Variants in CSMD1 observed in about 807,000 individuals in gnomAD.
The protein encoded by CSMD1 is CUB and sushi domain-containing protein 1.
Under a neutral mutation model 417.5 loss-of-function variants are expected in CSMD1, and 213 were observed. That is an observed-to-expected ratio of 0.51 (90% CI 0.46 to 0.57). CSMD1 has a LOEUF of 0.57. Among genes scored for constraint, CSMD1 ranks in the 20% least tolerant of loss-of-function variants. The pLI is 0.00. For missense variants in CSMD1, 6,923 were observed against 4,529.7 expected (o/e 1.53, Z -15.17); for synonymous variants, 2,862 against 1,736.8 (o/e 1.65, Z -16.11).
intron 7 of CSMD1, among the ~76,000 whole-genome samples, chr8:3,665,929 G>A (rs1028526909): frequency 2.0e-5 from 3 of 152,108 alleles, no homozygotes; most frequent in African/African-American, 7.2e-5. Flanking sequence ...CCAGGCTGGA[G>A]TGCAGTGGAG....
At chr8:3,249,690 G>C (rs781417111) in intron 26 of CSMD1, among the ~76,000 whole-genome samples, 1 of 152,138 alleles carries the variant, frequency 6.6e-6, no homozygotes, top group African/African-American at 2.4e-5. Context: ...TGTAAATTTT[G>C]AGTGAAAAAG....
chr8:3,809,165 C>G (rs1448485851), intron 5 of CSMD1, among the ~76,000 whole-genome samples: 1 of 152,128 alleles, frequency 6.6e-6, no homozygotes, highest in Admixed American at 6.6e-5. Flanking sequence ...CCCCCACAGA[C>G]CTCATTCTTA....
chr8:4,432,721 G>T (rs928426229), intron 2 of CSMD1, among the ~76,000 whole-genome samples: 1 of 152,128 alleles, frequency 6.6e-6, no homozygotes, highest in African/African-American at 2.4e-5. Flanking sequence ...TTTAACTCCT[G>T]AAAGTTCACA....
At chr8:3,728,077 G>A (rs367744001) in intron 6 of CSMD1, among the ~76,000 whole-genome samples, 43 of 152,202 alleles carry the variant, frequency 2.8e-4, no homozygotes, top group African/African-American at 7.9e-4. Context: ...GACAGTGTCC[G>A]CACCCAAATC....
intron 2 of CSMD1, among the ~76,000 whole-genome samples, chr8:4,530,003 C>T (rs1388520685): frequency 6.6e-6 from 1 of 152,076 alleles, no homozygotes; most frequent in African/African-American, 2.4e-5. Context: ...CAAGCCCCGC[C>T]TTCCGGGTTC....
At chr8:4,890,779 G>T (rs558103407) in intron 1 of CSMD1, among the ~76,000 whole-genome samples, 2 of 151,966 alleles carry the variant, frequency 1.3e-5, no homozygotes, top group South Asian at 4.2e-4. Context: ...AATCACTTTT[G>T]CACCGACCTA....
intron 26 of CSMD1, among the ~76,000 whole-genome samples, chr8:3,232,311 C>A (rs568715386): frequency 6.6e-6 from 1 of 152,310 alleles, no homozygotes; most frequent in African/African-American, 2.4e-5. Flanking sequence ...CTCTCTCTGT[C>A]TTAAATGCTT....
At chr8:4,759,470 G>C (rs1811888202) in intron 1 of CSMD1, among the ~76,000 whole-genome samples, 1 of 152,176 alleles carries the variant, frequency 6.6e-6, no homozygotes, top group African/African-American at 2.4e-5. Context: ...ACAGGTAAAT[G>C]TGTGGCATGC....
chr8:4,182,059 T>C (rs1425198730), intron 3 of CSMD1, among the ~76,000 whole-genome samples: 5 of 151,928 alleles, frequency 3.3e-5, no homozygotes. Context: ...TGTGTGTGTG[T>C]GTATACCTAA....
At position 4,433,214 on chromosome 8, in the gene CSMD1, A is replaced by G. The variant is rs143667788; in HGVS notation, c.303-13149T>C. ...TTTCGTTGTGTATTACAATATAATA[A>G]TATTACAAATAAAGTGCATTATAAA... On this transcript the variant is annotated intron_variant, in intron 2 of 69. Coordinates refer to ENST00000635120, the MANE Select transcript of CSMD1 (RefSeq NM_033225.6). Among the ~76,000 whole-genome samples the G allele has an allele frequency of 3.2e-3, 482 of 152,292 alleles. 1 individual carries two copies. The highest frequency in any genetic ancestry group is 0.011 in the African/African-American group (462 of 41,558).
At position 3,284,264 on chromosome 8, in the gene CSMD1, G is replaced by C. The variant is rs937849391; in HGVS notation, c.4033C>G (p.Leu1345Val). Residue 1345 changes from leucine (L) to valine (V), a missense_variant, in exon 26 of 70, where the codon CTG becomes GTG. Leu to Val is a conservative substitution (Grantham distance 32). Coordinates refer to ENST00000635120, the MANE Select transcript of CSMD1 (RefSeq NM_033225.6). ...WDGPVDSDIL[L>V]KEWSGSALPE... ...AGGGCGGAGCCACTCCACTCCTTCA[G>C]CAGGATGTCACTGTCCACCGGCCCG... 1.2e-6 allele frequency: 2 copies of C among 1,613,952 alleles called. No homozygotes were observed. Among genetic ancestry groups the C allele is most frequent in the African/African-American group, 1.3e-5 (1 of 75,040 alleles).
In CSMD1 at chr8:3,669,912, G is replaced by A. The variant is rs1306690054; in HGVS notation, c.1009+38502C>T. ...TTCCTTCTTCTTTCTTAACATTTGA[G>A]GAAATGAAGATGTTTGAGACTTTAA... On this transcript the variant is annotated intron_variant, in intron 7 of 69. Transcript: ENST00000635120. Among the ~76,000 whole-genome samples, 8 of 152,188 alleles carry A rather than the reference G, an allele frequency of 5.3e-5. No individual in the cohort carries two copies. In the South Asian group the frequency reaches 6.2e-4, roughly 12 times the overall value.
chr8:4,347,971 G>A (rs190904601), intron 3 of CSMD1, among the ~76,000 whole-genome samples: 10 of 152,164 alleles, frequency 6.6e-5, no homozygotes, highest in Admixed American at 2.0e-4. Context: ...TTTATACACG[G>A]GAAGCACTAC....
intron 21 of CSMD1, among the ~76,000 whole-genome samples, chr8:3,354,609 G>A (rs1363900517): frequency 2.0e-5 from 3 of 151,784 alleles, no homozygotes; most frequent in African/African-American, 7.3e-5. Context: ...TTCACAAAAT[G>A]GTACTATTTT....
At chr8:4,083,206 G>C (rs1464220497) in intron 3 of CSMD1, among the ~76,000 whole-genome samples, 1 of 152,090 alleles carries the variant, frequency 6.6e-6, no homozygotes, top group Non-Finnish European at 1.5e-5. Context: ...TTCCACAATG[G>C]TTGAACTAGT....
chr8:4,586,676 A>G (rs937162527), intron 2 of CSMD1, among the ~76,000 whole-genome samples: 7 of 152,062 alleles, frequency 4.6e-5, no homozygotes, highest in African/African-American at 1.4e-4. Flanking sequence ...TGTTTTATTC[A>G]CATGTATATG....
chr8:3,406,978 C>A (rs1357623113), intron 14 of CSMD1, among the ~76,000 whole-genome samples: 4 of 151,938 alleles, frequency 2.6e-5, no homozygotes, highest in African/African-American at 9.7e-5. Context: ...AAGAAAGATG[C>A]ATAAGTGGCT....
intron 1 of CSMD1, among the ~76,000 whole-genome samples, chr8:4,653,012 G>A (rs1228301591): frequency 2.0e-5 from 3 of 151,980 alleles, no homozygotes; most frequent in Non-Finnish European, 2.9e-5. Flanking sequence ...TGTGTGGTCC[G>A]GTTCCTAACA....
chr8:4,280,323 T>C (rs1002885290), intron 3 of CSMD1, among the ~76,000 whole-genome samples: 1 of 152,322 alleles, frequency 6.6e-6, no homozygotes, highest in East Asian at 1.9e-4. Flanking sequence ...AGAGTGGATA[T>C]GTTACCACGT....
Sources: allele counts gnomAD v4.1 joint callset (sites outside exome capture counted in the v4.1 genomes callset), GRCh38; gene constraint gnomAD v4.1.1; transcripts MANE v1.5; gene names NCBI Gene and HGNC (gene_info 2026-07-23, HGNC 2026-07-21).